The following DKK2 variants were observed in gnomAD, a reference collection of about 807,000 sequenced individuals.
The protein encoded by DKK2 is dickkopf-related protein 2.
A neutral mutation model predicts 28.1 loss-of-function variants in DKK2; 11 were observed. That is an observed-to-expected ratio of 0.39 (90% confidence interval 0.25 to 0.65). The LOEUF (loss-of-function observed/expected upper bound fraction) is 0.65. Ranked by LOEUF, DKK2 falls within the 30% of genes least tolerant of loss-of-function variation. The pLI is 0.47. For missense variants in DKK2, 326 were observed against 335.5 expected (o/e 0.97, Z 0.22); for synonymous variants, 135 against 126.5 (o/e 1.07, Z -0.45).
chr4:106,974,329 G>A (rs1452688187), intron 1 of DKK2, among the ~76,000 whole-genome samples: 2 of 152,108 alleles, frequency 1.3e-5, no homozygotes, highest in Non-Finnish European at 2.9e-5. Flanking sequence ...AATTACTTTG[G>A]GCAGTATGGC....
chr4:106,980,818 A>G lies in DKK2; in HGVS notation c.222+54552T>C, dbSNP rs575106495. 2.0e-5 allele frequency among the ~76,000 whole-genome samples: 3 copies of G among 152,332 alleles called. No individual in the cohort carries two copies. In the East Asian group the frequency reaches 5.8e-4, roughly 29 times the overall value. On this transcript the variant is annotated intron_variant, in intron 1 of 3. Transcript: ENST00000285311. The stretch of plus-strand genomic sequence containing the variant: ...AGTGCTACATGCCAGCTATGAAGGC[A>G]CTTGGAGAATGAACAATCTATAAAG...
intron 1 of DKK2, among the ~76,000 whole-genome samples, chr4:107,030,392 A>G (rs903637856): frequency 2.6e-5 from 4 of 152,056 alleles, no homozygotes; most frequent in African/African-American, 7.2e-5. Context: ...GTAATCTTAA[A>G]GCGATGCTAC....
intron 1 of DKK2, among the ~76,000 whole-genome samples, chr4:107,009,321 A>G (rs932396891): frequency 1.3e-5 from 2 of 152,006 alleles, no homozygotes; most frequent in Admixed American, 6.6e-5. Context: ...AAAATAGTGA[A>G]ATGTAAAGGT....
At position 106,923,685 on chromosome 4, in the gene DKK2, T is replaced by C. The variant is rs1255140263; in HGVS notation, c.*269A>G. On this transcript the variant is annotated 3_prime_UTR_variant, in exon 4 of 4. Coordinates refer to ENST00000285311, the MANE Select transcript of DKK2 (RefSeq NM_014421.3). ...CTCATCAGTAATTTCCACTGTGTGC[T>C]TGTTCTCTTAATAATAGCATTTTCC... The C allele has an allele frequency of 1.5e-5, 6 of 409,382 alleles. No homozygotes were observed. In the Admixed American group the frequency reaches 2.0e-4, roughly 14 times the overall value. The allele number at this position is 409,382 out of a possible 1,614,324, so 25.4% of individuals were successfully genotyped here. A position where few individuals can be genotyped will look rare whatever the true frequency, so the allele number is the denominator to read the frequency against.
intron 1 of DKK2, among the ~76,000 whole-genome samples, chr4:106,945,002 CT>C (rs1296398702): frequency 6.6e-6 from 1 of 152,022 alleles, no homozygotes; most frequent in Non-Finnish European, 1.5e-5. Flanking sequence ...ATTATAAAAC[CT>C]AGCACTAGCC....
At chr4:107,005,159 G>T (rs1414868072) in intron 1 of DKK2, among the ~76,000 whole-genome samples, 1 of 151,788 alleles carries the variant, frequency 6.6e-6, no homozygotes, top group African/African-American at 2.4e-5. Flanking sequence ...TGGCTAACAC[G>T]GTGAAACCCG....
At chr4:106,951,531 C>T (rs1194310708) in intron 1 of DKK2, among the ~76,000 whole-genome samples, 1 of 152,052 alleles carries the variant, frequency 6.6e-6, no homozygotes, top group Non-Finnish European at 1.5e-5. Context: ...GTGTCATTTG[C>T]AGTGGAACTG....
At chr4:106,958,732 G>A (rs913827166) in intron 1 of DKK2, among the ~76,000 whole-genome samples, 28 of 151,410 alleles carry the variant, frequency 1.8e-4, no homozygotes, top group African/African-American at 6.6e-4. Flanking sequence ...AGCTACTCAG[G>A]AGGCTGAGGC....
chr4:106,957,771 G>T (rs1018136465), intron 1 of DKK2, among the ~76,000 whole-genome samples: 3 of 99,000 alleles, frequency 3.0e-5, no homozygotes, highest in Admixed American at 1.3e-4. Flanking sequence ...GGGGAGGGGG[G>T]AGGGATAGCA....
chr4:106,946,420 C>T (rs1258592170), intron 1 of DKK2, among the ~76,000 whole-genome samples: 2 of 151,938 alleles, frequency 1.3e-5, no homozygotes, highest in Non-Finnish European at 2.9e-5. Context: ...ACAAGATTAG[C>T]CATGAGTTAA....
chr4:106,961,022 C>G (rs1722677961), intron 1 of DKK2, among the ~76,000 whole-genome samples: 1 of 152,110 alleles, frequency 6.6e-6, no homozygotes, highest in African/African-American at 2.4e-5. Context: ...TTCGCTCTTT[C>G]TCTTCTCTCT....
Position 106,965,849 on chromosome 4 carries a change from G to C in DKK2, c.223-39900C>G, listed in dbSNP as rs536528122. Among the ~76,000 whole-genome samples, 15 of 146,798 alleles carry C rather than the reference G, an allele frequency of 1.0e-4. No homozygotes were observed. The South Asian group carries it at 3.3e-3, about 32-fold the overall frequency. ...CTATGAGTGAGAATATGCGGTGTTT[G>C]GTTTTTTGTTCTTGCGATAGTTTAC... On this transcript the variant is annotated intron_variant, in intron 1 of 3. Transcript: ENST00000285311.
At chr4:106,997,263 C>G (rs1723285965) in intron 1 of DKK2, among the ~76,000 whole-genome samples, 1 of 151,982 alleles carries the variant, frequency 6.6e-6, no homozygotes, top group Non-Finnish European at 1.5e-5. Context: ...AACACAGAAC[C>G]TGACACGTAG....
chr4:106,995,780 T>C (rs1723263606), intron 1 of DKK2, among the ~76,000 whole-genome samples: 1 of 152,096 alleles, frequency 6.6e-6, no homozygotes, highest in Non-Finnish European at 1.5e-5. Flanking sequence ...GCCAGGCTAA[T>C]TTTTGTATTT....
intron 1 of DKK2, among the ~76,000 whole-genome samples, chr4:106,993,997 T>G (rs1331057907): frequency 6.6e-6 from 1 of 152,148 alleles, no homozygotes; most frequent in Admixed American, 6.5e-5. Context: ...AGATATTAAC[T>G]TGGAAGAGGG....
chr4:107,013,547 T>G (rs1384511897), intron 1 of DKK2, among the ~76,000 whole-genome samples: 3 of 151,452 alleles, frequency 2.0e-5, no homozygotes, highest in Non-Finnish European at 3.0e-5. Context: ...TTAGAATGGA[T>G]TAACTACTTA....
intron 1 of DKK2, among the ~76,000 whole-genome samples, chr4:106,986,228 T>C (rs1723119028): frequency 6.6e-6 from 1 of 152,246 alleles, no homozygotes; most frequent in African/African-American, 2.4e-5. Context: ...TAGGAGTTTC[T>C]CTTCCTGGAG....
At chr4:106,925,714 G>T in intron 2 of DKK2, 85 bp downstream of exon 2, 3 of 1,498,660 alleles carry the variant, frequency 2.0e-6, no homozygotes, top group Non-Finnish European at 2.7e-6. Context: ...AGGAGTCTGA[G>T]TAAGGAGACG....
intron 1 of DKK2, among the ~76,000 whole-genome samples, chr4:106,975,427 AT>A (rs1722929355): frequency 6.6e-6 from 1 of 152,054 alleles, no homozygotes; most frequent in Admixed American, 6.6e-5. Flanking sequence ...AGAACTTGTC[AT>A]TCATCTATTC....
Sources: allele counts gnomAD v4.1 joint callset (sites outside exome capture counted in the v4.1 genomes callset), GRCh38; gene constraint gnomAD v4.1.1; transcripts MANE v1.5; gene names NCBI Gene and HGNC (gene_info 2026-07-23, HGNC 2026-07-21).